GPC5: variants seen among roughly 807,000 people sequenced by gnomAD.
The protein encoded by GPC5 is glypican 5, also known as glypican-5.
Under a neutral mutation model 53.9 loss-of-function variants are expected in GPC5, and 47 were observed. The ratio of observed to expected loss-of-function variants is 0.87; its 90% CI spans 0.69 to 1.11. GPC5 has a LOEUF of 1.11. GPC5 is among the 50% of genes most tolerant of loss of function. GPC5 has a pLI of 0.00. For synonymous variants in GPC5, 286 were observed against 263.3 expected, an observed-to-expected ratio of 1.09 and a Z score of -0.84; for missense variants, 748 against 713.1, an observed-to-expected ratio of 1.05 and a Z score of -0.56.
At chr13:91,791,108 G>A (rs574757747) in intron 5 of GPC5, among the ~76,000 whole-genome samples, 39 of 152,278 alleles carry the variant, frequency 2.6e-4, no homozygotes, top group African/African-American at 9.1e-4. Flanking sequence ...ATTAAAAGCC[G>A]TGAGACCCAG....
rs201669730 is a variant in GPC5, at chr13:91,820,147, A to AT, written c.1280+63733dup. ...TTGTTTTTATAGTCCCTATTTAGTT[A>AT]TTTTTTAAAAAAATATATTCTCTTA... On this transcript the variant is annotated intron_variant, in intron 5 of 7. Transcript: ENST00000377067. 4.6e-5 allele frequency among the ~76,000 whole-genome samples: 7 copies of AT among 151,672 alleles called. No homozygotes were observed. In the South Asian group the frequency reaches 6.2e-4, roughly 14 times the overall value.
At chr13:92,825,354 A>G (rs997889771) in intron 7 of GPC5, among the ~76,000 whole-genome samples, 7 of 152,158 alleles carry the variant, frequency 4.6e-5, no homozygotes, top group Non-Finnish European at 7.4e-5. Context: ...TTTGAAGTCA[A>G]TGCAAAGATA....
chr13:91,665,333 T>G (rs1356460515), intron 2 of GPC5, among the ~76,000 whole-genome samples: 1 of 152,226 alleles, frequency 6.6e-6, no homozygotes, highest in African/African-American at 2.4e-5. Flanking sequence ...TTACGGTCCC[T>G]TGAAGGCTAG....
chr13:91,772,084 A>G lies in GPC5; in HGVS notation c.1280+15664A>G, dbSNP rs192466047. ...ACCTTTGTGAGTGGAACCGAGCCCA[A>G]TCTGATTCTCATAGCACACCCTGGA... On this transcript the variant is annotated intron_variant, in intron 5 of 7. Transcript: ENST00000377067. Among the ~76,000 whole-genome samples the G allele has an allele frequency of 4.9e-3, 751 of 152,290 alleles. 5 individuals carry two copies. Among genetic ancestry groups the G allele is most frequent in the Middle Eastern group, 0.01 (3 of 294 alleles).
At chr13:92,600,663 A>ATTT (rs112159074) in intron 7 of GPC5, among the ~76,000 whole-genome samples, 7,131 of 139,130 alleles carry the variant, frequency 0.051, 267 homozygotes, top group Admixed American at 0.11. Flanking sequence ...ACACCCAGCT[A>ATTT]TTTTTTTTTT....
At chr13:91,539,781 G>GTTCA (rs1439914377) in intron 2 of GPC5, among the ~76,000 whole-genome samples, 1 of 151,860 alleles carries the variant, frequency 6.6e-6, no homozygotes, top group Non-Finnish European at 1.5e-5. Flanking sequence ...ATATCTAATT[G>GTTCA]TTCAGTATGT....
chr13:92,224,052 A>C (rs1190956810), intron 7 of GPC5, among the ~76,000 whole-genome samples: 1 of 152,174 alleles, frequency 6.6e-6, no homozygotes, highest in Non-Finnish European at 1.5e-5. Flanking sequence ...CAACACTATA[A>C]AAACTGTTTT....
At chr13:91,626,144 A>G (rs190263207) in intron 2 of GPC5, among the ~76,000 whole-genome samples, 3 of 152,324 alleles carry the variant, frequency 2.0e-5, no homozygotes, top group South Asian at 4.1e-4. Context: ...ATCTTAGAAT[A>G]GAAAAGAACT....
chr13:92,296,660 TG>T (rs1419828340), intron 7 of GPC5, among the ~76,000 whole-genome samples: 1 of 152,018 alleles, frequency 6.6e-6, no homozygotes, highest in African/African-American at 2.4e-5. Context: ...CAGGGAGGTA[TG>T]GAGGGAGAGG....
At chr13:92,809,180 T>C (rs1877205931) in intron 7 of GPC5, among the ~76,000 whole-genome samples, 1 of 152,160 alleles carries the variant, frequency 6.6e-6, no homozygotes, top group South Asian at 2.1e-4. Context: ...TATGAAAGAA[T>C]AAAATAATTT....
At chr13:91,766,900 T>C (rs1045743452) in intron 5 of GPC5, among the ~76,000 whole-genome samples, 1 of 152,148 alleles carries the variant, frequency 6.6e-6, no homozygotes, top group Non-Finnish European at 1.5e-5. Context: ...CTACCTAATA[T>C]TTGAAAATTA....
chr13:92,742,405 A>G (rs1285185851), intron 7 of GPC5, among the ~76,000 whole-genome samples: 4 of 151,986 alleles, frequency 2.6e-5, no homozygotes, highest in African/African-American at 4.8e-5. Flanking sequence ...GTCTATTCAT[A>G]TCCTTTGCCC....
intron 7 of GPC5, among the ~76,000 whole-genome samples, chr13:92,653,359 C>G (rs539161412): frequency 6.6e-6 from 1 of 152,224 alleles, no homozygotes; most frequent in East Asian, 1.9e-4. Context: ...ACTGTCGCAG[C>G]CAAAGAGAGT....
intron 7 of GPC5, among the ~76,000 whole-genome samples, chr13:92,627,853 G>T (rs1885096557): frequency 6.6e-6 from 1 of 152,116 alleles, no homozygotes; most frequent in South Asian, 2.1e-4. Context: ...CCTACAGCCT[G>T]TCCAAAGTGT....
intron 7 of GPC5, among the ~76,000 whole-genome samples, chr13:92,675,850 T>A (rs1306972368): frequency 6.6e-6 from 1 of 152,160 alleles, no homozygotes; most frequent in Non-Finnish European, 1.5e-5. Context: ...ACTGTCCTAT[T>A]GATTTTCACA....
At chr13:91,598,748 G>T (rs1190013094) in intron 2 of GPC5, among the ~76,000 whole-genome samples, 1 of 152,052 alleles carries the variant, frequency 6.6e-6, no homozygotes, top group Non-Finnish European at 1.5e-5. Flanking sequence ...AATTAGGAAT[G>T]CAGTTTCTGG....
At chr13:91,530,482 T>G (rs972668731) in intron 2 of GPC5, among the ~76,000 whole-genome samples, 10 of 152,240 alleles carry the variant, frequency 6.6e-5, no homozygotes, top group African/African-American at 2.4e-4. Flanking sequence ...GCTGGAGTAG[T>G]AGTAGATGCA....
intron 2 of GPC5, among the ~76,000 whole-genome samples, chr13:91,590,641 A>G (rs1300232226): frequency 6.6e-6 from 1 of 152,204 alleles, no homozygotes; most frequent in Non-Finnish European, 1.5e-5. Flanking sequence ...TGTTTGCTCA[A>G]GAACATTGAA....
chr13:92,186,731 CAT>C (rs1319319891), intron 7 of GPC5, among the ~76,000 whole-genome samples: 2 of 152,172 alleles, frequency 1.3e-5, no homozygotes, highest in Non-Finnish European at 2.9e-5. Flanking sequence ...TCAATCCACT[CAT>C]GTGTAATACA....
Sources: allele counts gnomAD v4.1 joint callset (sites outside exome capture counted in the v4.1 genomes callset), GRCh38; gene constraint gnomAD v4.1.1; transcripts MANE v1.5; gene names NCBI Gene and HGNC (gene_info 2026-07-23, HGNC 2026-07-21).